SNX25: variants seen among roughly 807,000 people sequenced by gnomAD.
The protein encoded by SNX25 is sorting nexin-25.
In SNX25, 62 loss-of-function variants were observed where a neutral mutation model predicts 113.7. That is an observed-to-expected ratio of 0.55 (90% CI 0.44 to 0.67). The LOEUF (loss-of-function observed/expected upper bound fraction) is 0.67. Ranked by LOEUF, SNX25 falls within the 30% of genes least tolerant of loss-of-function variation. The probability of loss-of-function intolerance (pLI) is 0.00; values close to 1 mark genes in which losing one functional copy is unlikely to be tolerated. For missense variants in SNX25, 1,014 were observed against 1,161.0 expected, an observed-to-expected ratio of 0.87 and a Z score of 1.84; for synonymous variants, 421 against 436.2, an observed-to-expected ratio of 0.97 and a Z score of 0.43.
chr4:185,294,514 A>G (rs1222165406), intron 6 of SNX25, among the ~76,000 whole-genome samples: 1 of 152,196 alleles, frequency 6.6e-6, no homozygotes, highest in Non-Finnish European at 1.5e-5. Context: ...TTGGGGCAAG[A>G]GGGGCATAGG....
chr4:185,363,459 A>G lies in SNX25; in HGVS notation c.3009A>G (p.Gln1003=). The change falls in exon 19 of 19, where the codon CAA becomes CAG. Residue 1003 remains glutamine, a synonymous_variant. Coordinates refer to ENST00000652585, the MANE Select transcript of SNX25 (RefSeq NM_001378034.2). The surrounding 1 kb of genome is among the most constrained non-coding windows in gnomAD (Gnocchi z 4.2). The part of the protein sequence containing the change: ...RVHLDQLKAG[Q]V ...ATTTAGATCAACTTAAAGCTGGCCAAGTTTGAGACTACACAAATAAACCAC... is the reference window on the plus strand; with the variant it reads ...ATTTAGATCAACTTAAAGCTGGCCAGGTTTGAGACTACACAAATAAACCAC... The G allele has an allele frequency of 1.2e-6, 2 of 1,613,974 alleles. No individual in the cohort carries two copies. The highest frequency in any genetic ancestry group is 1.7e-6 in the Non-Finnish European group (2 of 1,179,918).
At chr4:185,374,373 C>T (rs2095426100), downstream of SNX25, 4 of 1,614,130 alleles carry the variant, frequency 2.5e-6, no homozygotes, top group Middle Eastern at 1.6e-4. Context: ...ATAAGCTCTT[C>T]CGAGGTTGTA....
chr4:185,303,787 G>A (rs1754060659), intron 6 of SNX25, among the ~76,000 whole-genome samples: 1 of 151,648 alleles, frequency 6.6e-6, no homozygotes. Flanking sequence ...ATCAACTCCT[G>A]TACGATTTCT....
At position 185,353,619 on chromosome 4, in the gene SNX25, T is replaced by C. The variant is rs976147550; in HGVS notation, c.2584+17T>C. On this transcript the variant is annotated intron_variant, in intron 15 of 18. Transcript: ENST00000652585. The stretch of plus-strand genomic sequence containing the variant: ...TTCGAGGAAGTAAGCTTCTTTGTTA[T>C]TATTTAGTGGTATTTGCTAGTTAAG... The C allele has an allele frequency of 6.3e-7, 1 of 1,584,668 alleles. No individual in the cohort carries two copies. Among genetic ancestry groups the C allele is most frequent in the African/African-American group, 1.3e-5 (1 of 74,304 alleles).
rs184842350 is a variant in SNX25, at chr4:185,317,341, G to A, written c.1345-3392G>A. On this transcript the variant is annotated intron_variant, in intron 7 of 18. Transcript: ENST00000652585. Reference sequence around the variant, plus strand: ...AAACAACAGATGCTGACGAGGCTGTGGAGAAATAGTAATGCTTTTACACTG... The same window carrying A: ...AAACAACAGATGCTGACGAGGCTGTAGAGAAATAGTAATGCTTTTACACTG... Among the ~76,000 whole-genome samples the A allele has an allele frequency of 7.2e-5, 11 of 152,320 alleles. No homozygotes were observed. In the East Asian group the frequency reaches 7.7e-4, roughly 11 times the overall value.
In SNX25 at chr4:185,357,752, A is replaced by G. The variant is rs1294894487; in HGVS notation, c.2651+15A>G. 1 of 1,608,430 alleles carries G rather than the reference A, an allele frequency of 6.2e-7. No individual in the cohort carries two copies. Among genetic ancestry groups the G allele is most frequent in the Admixed American group, 1.7e-5 (1 of 60,012 alleles). ...ACCATCAACAAGTGAGTTGTATGAA[A>G]TTAATATTTGGATCCATGCCCTACT... On this transcript the variant is annotated intron_variant, in intron 16 of 18. Transcript: ENST00000652585.
chr4:185,215,161 G>A (rs1370893371), intron 1 of SNX25, among the ~76,000 whole-genome samples: 2 of 152,026 alleles, frequency 1.3e-5, no homozygotes, highest in Non-Finnish European at 2.9e-5. Flanking sequence ...CCCGGGAGGC[G>A]GAGCTTGCAG....
At chr4:185,258,203 G>A (rs1313856653) in intron 2 of SNX25, among the ~76,000 whole-genome samples, 4 of 152,144 alleles carry the variant, frequency 2.6e-5, no homozygotes, top group African/African-American at 9.7e-5. Flanking sequence ...AGATACCACC[G>A]GTGAGGGAGA....
At chr4:185,352,287 A>G (rs764599215) in intron 14 of SNX25, among the ~76,000 whole-genome samples, 1 of 152,186 alleles carries the variant, frequency 6.6e-6, no homozygotes, top group Non-Finnish European at 1.5e-5. Flanking sequence ...CAGCTCTGAA[A>G]TGTGGCTTCC....
At chr4:185,273,856 A>G (rs1579571902) in intron 5 of SNX25, among the ~76,000 whole-genome samples, 1 of 152,182 alleles carries the variant, frequency 6.6e-6, no homozygotes, top group Non-Finnish European at 1.5e-5. Flanking sequence ...AAGGCTGAAT[A>G]GTAAAGCAGG....
At chr4:185,239,039 A>T (rs942825239) in intron 1 of SNX25, among the ~76,000 whole-genome samples, 2 of 152,112 alleles carry the variant, frequency 1.3e-5, no homozygotes, top group Non-Finnish European at 2.9e-5. Flanking sequence ...TCCTCATAAG[A>T]GGGTCTGTAG....
intron 2 of SNX25, among the ~76,000 whole-genome samples, chr4:185,254,655 C>T (rs1173729787): frequency 6.6e-6 from 1 of 152,214 alleles, no homozygotes; most frequent in South Asian, 2.1e-4. Context: ...TAGTTTTTCT[C>T]TACTTTGTTA....
At position 185,210,169 on chromosome 4, in the gene SNX25, T is replaced by C; in HGVS notation, c.343T>C (p.Cys115Arg). The C allele has an allele frequency of 3.0e-6, 3 of 984,444 alleles. No individual in the cohort carries two copies. Among genetic ancestry groups the C allele is most frequent in the Non-Finnish European group, 3.6e-6 (3 of 829,886 alleles). 61.0% of individuals were successfully genotyped at this position (984,444 alleles called of 1,614,324 possible). A position where few individuals can be genotyped will look rare whatever the true frequency, so the allele number is the denominator to read the frequency against. Residue 115 changes from cysteine to arginine, a missense_variant, in exon 1 of 19, where the codon TGC becomes CGC. Cys to Arg is a radical substitution (Grantham distance 180, BLOSUM62 -3). Transcript: ENST00000652585. This position sits in a 1 kb window ranked among gnomAD's most constrained non-coding sequence, Gnocchi z 4.4. Reference sequence around the variant, plus strand: ...GCTGGGGATCCTGTTTGCCCTCGTCTGCCGGAGCCCGCGCGCCCAGCCGCC... The same window carrying C: ...GCTGGGGATCCTGTTTGCCCTCGTCCGCCGGAGCCCGCGCGCCCAGCCGCC... Reference protein sequence around the residue: ...FLLGILFALVCRSPRAQPPDF... With the variant: ...FLLGILFALVRRSPRAQPPDF...
At chr4:185,362,779 A>C (rs1161627886) in intron 18 of SNX25, 68 bp downstream of exon 18, 2 of 1,262,498 alleles carry the variant, frequency 1.6e-6, no homozygotes, top group African/African-American at 1.5e-5. Flanking sequence ...GGTCAGAAAA[A>C]ACATGTGCCC....
intron 1 of SNX25, among the ~76,000 whole-genome samples, chr4:185,245,910 A>G (rs1455728732): frequency 1.3e-5 from 2 of 152,134 alleles, no homozygotes; most frequent in Non-Finnish European, 2.9e-5. Flanking sequence ...TGCCCCTATA[A>G]TTAATATAGC....
chr4:185,261,172 A>C (rs1016910294), intron 3 of SNX25, among the ~76,000 whole-genome samples: 36 of 146,846 alleles, frequency 2.5e-4, no homozygotes, highest in African/African-American at 8.8e-4. Context: ...ATGTATATAT[A>C]ATTTTTTATT....
At chr4:185,225,086 C>T (rs1361545998) in intron 1 of SNX25, among the ~76,000 whole-genome samples, 2 of 151,530 alleles carry the variant, frequency 1.3e-5, no homozygotes, top group East Asian at 1.9e-4. Context: ...AACACAATCA[C>T]CCAGTAGTTA....
intron 1 of SNX25, among the ~76,000 whole-genome samples, chr4:185,238,652 G>A (rs1405915575): frequency 6.6e-6 from 1 of 152,166 alleles, no homozygotes; most frequent in African/African-American, 2.4e-5. Context: ...TGTGGTTAAT[G>A]ATGATTTTTG....
chr4:185,307,771 T>TTTTA (rs1454722955), intron 6 of SNX25, among the ~76,000 whole-genome samples: 2 of 152,160 alleles, frequency 1.3e-5, no homozygotes, highest in South Asian at 2.1e-4. Flanking sequence ...CTTTCTCAAC[T>TTTTA]TTTATTTATT....
Sources: gnomAD v4.1 joint callset for allele counts (sites outside exome capture counted in the v4.1 genomes callset) on GRCh38, gnomAD v4.1.1 for gene constraint, Gnocchi (gnomAD v3.1) non-coding constraint, MANE v1.5 for transcripts, NCBI Gene and HGNC (gene_info 2026-07-23, HGNC 2026-07-21) for gene names.